LDB2: variants seen among roughly 807,000 people sequenced by gnomAD.
LDB2 encodes the protein LIM domain binding 2.
LDB2 carries 12 observed loss-of-function variants against 44.3 expected under a neutral mutation model. That is an observed-to-expected ratio of 0.27 (90% CI 0.17 to 0.44). LDB2 has a LOEUF of 0.44. Among genes scored for constraint, LDB2 ranks in the 20% least tolerant of loss-of-function variants. The pLI is 1.00. For synonymous variants in LDB2, 164 were observed against 174.8 expected (o/e 0.94, Z 0.49); for missense variants, 344 against 473.5 (o/e 0.73, Z 2.54).
At chr4:16,776,431 A>C (rs1042595909) in intron 1 of LDB2, among the ~76,000 whole-genome samples, 1 of 152,192 alleles carries the variant, frequency 6.6e-6, no homozygotes, top group African/African-American at 2.4e-5. Context: ...ATAAAAGAAG[A>C]AATCTCTAAA....
intron 2 of LDB2, among the ~76,000 whole-genome samples, chr4:16,678,585 C>T (rs1746939134): frequency 6.6e-6 from 1 of 152,080 alleles, no homozygotes; most frequent in Admixed American, 6.5e-5. Flanking sequence ...CACACTTTAC[C>T]CCAAGAAATG....
intron 5 of LDB2, among the ~76,000 whole-genome samples, chr4:16,569,126 A>AT (rs1394823725): frequency 1.1e-4 from 17 of 152,156 alleles, no homozygotes; most frequent in Admixed American, 1.1e-3. Flanking sequence ...GTGGCCACAT[A>AT]TTTTTTTCTT....
intron 1 of LDB2, among the ~76,000 whole-genome samples, chr4:16,839,022 G>A (rs906754615): frequency 1.3e-5 from 2 of 152,196 alleles, no homozygotes; most frequent in Non-Finnish European, 2.9e-5. Context: ...TGCAGAAGCA[G>A]GACTGTGATA....
intron 2 of LDB2, among the ~76,000 whole-genome samples, chr4:16,622,800 C>T (rs1333574100): frequency 1.3e-5 from 2 of 152,188 alleles, no homozygotes; most frequent in Non-Finnish European, 2.9e-5. Context: ...ACTCCAATCT[C>T]TATGTGCCAA....
chr4:16,770,448 G>A (rs1040318077), intron 1 of LDB2, among the ~76,000 whole-genome samples: 1 of 152,092 alleles, frequency 6.6e-6, no homozygotes, highest in Non-Finnish European at 1.5e-5. Flanking sequence ...TTGATTCTTT[G>A]ATGACTGAAT....
At chr4:16,615,401 T>C (rs1231086317) in intron 2 of LDB2, among the ~76,000 whole-genome samples, 1 of 152,132 alleles carries the variant, frequency 6.6e-6, no homozygotes, top group African/African-American at 2.4e-5. Context: ...GCGGTACATA[T>C]ATACGATGGA....
intron 5 of LDB2, among the ~76,000 whole-genome samples, chr4:16,520,094 A>G (rs1725417439): frequency 6.6e-6 from 1 of 151,818 alleles, no homozygotes; most frequent in Admixed American, 6.6e-5. Context: ...GATAAATACC[A>G]AATGTTCAAC....
chr4:16,557,270 C>T (rs865928792), intron 5 of LDB2, among the ~76,000 whole-genome samples: 1 of 152,182 alleles, frequency 6.6e-6, no homozygotes, highest in Admixed American at 6.5e-5. Flanking sequence ...TTGCCTTACT[C>T]GGGAAGCGCA....
chr4:16,773,099 G>A (rs962346787), intron 1 of LDB2, among the ~76,000 whole-genome samples: 5 of 152,202 alleles, frequency 3.3e-5, no homozygotes, highest in African/African-American at 1.2e-4. Context: ...CCAAACGTAA[G>A]TTCTGGAGGA....
intron 1 of LDB2, among the ~76,000 whole-genome samples, chr4:16,853,794 C>T (rs900281346): frequency 1.3e-5 from 2 of 152,046 alleles, no homozygotes; most frequent in Non-Finnish European, 2.9e-5. Context: ...TTATTTGGCA[C>T]CACCAAAAGA....
At position 16,896,939 on chromosome 4, in the gene LDB2, T is replaced by C. The variant is rs1016080687; in HGVS notation, c.132+1415A>G. On this transcript the variant is annotated intron_variant, in intron 1 of 7. Transcript: ENST00000304523. ...ATCCTAAGCAAAACATAGTTTGCAC[T>C]TCTATAGAAGCTACTGGCTTCTAGA... Among the ~76,000 whole-genome samples, 5 of 152,258 alleles carry C rather than the reference T, an allele frequency of 3.3e-5. No individual in the cohort carries two copies. In the East Asian group the frequency reaches 5.8e-4, roughly 18 times the overall value.
chr4:16,608,849 A>C (rs773522615), intron 2 of LDB2, among the ~76,000 whole-genome samples: 5 of 152,176 alleles, frequency 3.3e-5, no homozygotes, highest in Admixed American at 6.5e-5. Context: ...CACACGAGTC[A>C]GGAGCAGGGC....
At chr4:16,804,943 G>A (rs192686937) in intron 1 of LDB2, among the ~76,000 whole-genome samples, 2 of 152,228 alleles carry the variant, frequency 1.3e-5, no homozygotes, top group East Asian at 3.9e-4. Flanking sequence ...AAATTGGGGT[G>A]CCAGTGTGGT....
intron 2 of LDB2, among the ~76,000 whole-genome samples, chr4:16,631,813 C>A (rs946430884): frequency 1.3e-5 from 2 of 152,110 alleles, no homozygotes; most frequent in Non-Finnish European, 2.9e-5. Flanking sequence ...AACACCTCTA[C>A]GCAAATGAAC....
chr4:16,717,186 T>TG (rs201308323), intron 2 of LDB2, among the ~76,000 whole-genome samples: 11,674 of 144,708 alleles, frequency 0.081, 728 homozygotes, highest in East Asian at 0.4. Context: ...ATAATAATAA[T>TG]AATGATGATG....
At chr4:16,541,191 G>A (rs1733641508) in intron 5 of LDB2, among the ~76,000 whole-genome samples, 1 of 152,110 alleles carries the variant, frequency 6.6e-6, no homozygotes, top group East Asian at 1.9e-4. Context: ...GGTGGGGTGT[G>A]GTGGGAGGTG....
chr4:16,599,062 G>C (rs1363766679), intron 2 of LDB2, among the ~76,000 whole-genome samples: 1 of 152,102 alleles, frequency 6.6e-6, no homozygotes, highest in Non-Finnish European at 1.5e-5. Flanking sequence ...GCAACACACT[G>C]TGTTAGAAGC....
intron 2 of LDB2, among the ~76,000 whole-genome samples, chr4:16,749,563 A>AAT (rs1561091215): frequency 1.4e-5 from 2 of 140,002 alleles, no homozygotes; most frequent in East Asian, 2.3e-4. Context: ...CATCTCAAAA[A>AAT]AAAAAAAAAT....
intron 1 of LDB2, among the ~76,000 whole-genome samples, chr4:16,862,948 G>A (rs1713211382): frequency 6.6e-6 from 1 of 152,178 alleles, no homozygotes; most frequent in African/African-American, 2.4e-5. Flanking sequence ...AAAGGAAAGA[G>A]CGTCCAGCGA....
Sources: allele counts gnomAD v4.1 joint callset (sites outside exome capture counted in the v4.1 genomes callset), GRCh38; gene constraint gnomAD v4.1.1; transcripts MANE v1.5; gene names NCBI Gene and HGNC (gene_info 2026-07-23, HGNC 2026-07-21).